ZNF658: variants seen among roughly 807,000 people sequenced by gnomAD.
ZNF658 encodes the protein zinc finger protein 658.
Under a neutral mutation model 78.0 loss-of-function variants are expected in ZNF658, and 46 were observed. The ratio of observed to expected loss-of-function variants is 0.59; its 90% confidence interval spans 0.47 to 0.75. The LOEUF (loss-of-function observed/expected upper bound fraction) is 0.75, where lower values mean the gene tolerates loss of function less well. Ranked by LOEUF, ZNF658 falls within the 30% of genes least tolerant of loss-of-function variation. ZNF658 has a pLI of 0.00. For missense variants in ZNF658, 785 were observed against 1,189.3 expected (o/e 0.66, Z 5.00); for synonymous variants, 279 against 408.4 (o/e 0.68, Z 3.82).
At chr9:66,907,858 G>A (rs1484666746) in intron 2 of ZNF658, among the ~76,000 whole-genome samples, 5 of 151,542 alleles carry the variant, frequency 3.3e-5, no homozygotes, top group Admixed American at 2.6e-4. Context: ...GTTTGGTCAG[G>A]GTATCTCCAG....
rs547832512 is a variant in ZNF658, at chr9:66,930,708, C to T, written c.*55-1317C>T. Among the ~76,000 whole-genome samples, 145 of 152,046 alleles carry T rather than the reference C, an allele frequency of 9.5e-4. 1 individual carries two copies. Among genetic ancestry groups the T allele is most frequent in the Non-Finnish European group, 1.9e-3 (126 of 67,958 alleles). The stretch of plus-strand genomic sequence containing the variant: ...AAAATGGAATTTTCTCACATTTTTT[C>T]AACATTTCCAGAAAGATGGTTGACT... On this transcript the variant is annotated intron_variant and NMD_transcript_variant, in intron 6 of 6. Coordinates refer to the ZNF658 transcript ENST00000622180.
intron 2 of ZNF658, among the ~76,000 whole-genome samples, chr9:66,905,801 A>G (rs1037906976): frequency 6.8e-6 from 1 of 146,618 alleles, no homozygotes; most frequent in Non-Finnish European, 1.5e-5. Context: ...TGGTCCTTAC[A>G]TATCATTTCC....
chr9:66,908,911 G>A (rs1357277265), intron 4 of ZNF658, among the ~76,000 whole-genome samples, 177 bp downstream of exon 4: 1 of 152,132 alleles, frequency 6.6e-6, no homozygotes, highest in African/African-American at 2.4e-5. Flanking sequence ...ACTATTCAGG[G>A]AAGAAATATT....
At chr9:66,901,297 G>A (rs1417714660) in intron 1 of ZNF658, among the ~76,000 whole-genome samples, 2 of 152,130 alleles carry the variant, frequency 1.3e-5, no homozygotes, top group Admixed American at 1.3e-4. Flanking sequence ...TCATGGGGAT[G>A]GGTACCCCAG....
chr9:66,904,295 C>A (rs999109082), intron 2 of ZNF658, among the ~76,000 whole-genome samples: 2 of 152,034 alleles, frequency 1.3e-5, no homozygotes, highest in African/African-American at 4.8e-5. Flanking sequence ...TGGTCTTTTC[C>A]TTAACTTGCT....
At chr9:66,904,231 C>A (rs1385591759) in intron 2 of ZNF658, among the ~76,000 whole-genome samples, 2 of 151,994 alleles carry the variant, frequency 1.3e-5, no homozygotes, top group Non-Finnish European at 2.9e-5. Flanking sequence ...TTTCTTGCCA[C>A]TTGCCTGGGA....
At chr9:66,901,296 T>C (rs1429498158) in intron 1 of ZNF658, among the ~76,000 whole-genome samples, 3 of 152,154 alleles carry the variant, frequency 2.0e-5, no homozygotes, top group Admixed American at 6.5e-5. Flanking sequence ...TTCATGGGGA[T>C]GGGTACCCCA....
At chr9:66,902,840 C>G (rs527825918) in intron 1 of ZNF658, 1 of 152,018 alleles carries the variant, frequency 6.6e-6, no homozygotes, top group Non-Finnish European at 1.5e-5. Context: ...ATTAAGTCAG[C>G]CTGAGTAGTT....
intron 2 of ZNF658, among the ~76,000 whole-genome samples, chr9:66,907,840 T>A (rs1485614960): frequency 2.0e-5 from 3 of 151,974 alleles, no homozygotes; most frequent in Non-Finnish European, 4.4e-5. Flanking sequence ...TGCTCTACCC[T>A]ATATAAAGTT....
chr9:66,908,163 A>T, intron 2 of ZNF658, 75 bp from the exon 3 acceptor site: 2 of 1,611,190 alleles, frequency 1.2e-6, no homozygotes, highest in Admixed American at 1.7e-5. Context: ...GCTCTCAAAG[A>T]TATTTTCTGT....
chr9:66,904,381 T>C (rs1365437240), intron 2 of ZNF658, among the ~76,000 whole-genome samples: 3 of 151,580 alleles, frequency 2.0e-5, no homozygotes, highest in Non-Finnish European at 4.4e-5. Context: ...TGCCCCTCAC[T>C]GGTCCTTCCC....
intron 4 of ZNF658, among the ~76,000 whole-genome samples, chr9:66,914,087 G>A (rs1399985774): frequency 6.6e-6 from 1 of 151,382 alleles, no homozygotes; most frequent in African/African-American, 2.5e-5. Context: ...CATTTAAACT[G>A]GAGTGGCATT....
chr9:66,918,358 C>A lies in ZNF658; in HGVS notation c.792C>A (p.Asp264Glu), dbSNP rs775311484. ...CTTTATTTAACCACATGAGAACTGA[C>A]ACAAGGGGGAAATGCTCTGATCTTA... ...KITLFNHMRT[D>E]TRGKCSDLNE... Residue 264 changes from aspartate (D) to glutamate (E), a missense_variant, in exon 5 of 5, where the codon GAC (aspartate) becomes GAA (glutamate). Physicochemically the swap from Asp to Glu is conservative, Grantham distance 45. Coordinates refer to ENST00000621410, the MANE Select transcript of ZNF658 (RefSeq NM_033160.7). 26 of 1,613,746 alleles carry A rather than the reference C, an allele frequency of 1.6e-5. No individual in the cohort carries two copies. Among genetic ancestry groups the A allele is most frequent in the Non-Finnish European group, 2.0e-5 (24 of 1,179,858 alleles).
chr9:66,913,535 A>G (rs1361510189), intron 4 of ZNF658, among the ~76,000 whole-genome samples: 2 of 151,974 alleles, frequency 1.3e-5, no homozygotes, highest in Non-Finnish European at 2.9e-5. Flanking sequence ...GCTGCACCTC[A>G]CTCCCGCTAG....
chr9:66,913,725 T>A (rs1217548701), intron 4 of ZNF658, among the ~76,000 whole-genome samples: 31 of 149,180 alleles, frequency 2.1e-4, no homozygotes, highest in Non-Finnish European at 4.0e-4. Context: ...TTACACTTAG[T>A]TGATAATCCA....
chr9:66,913,312 G>T (rs1361488930), intron 4 of ZNF658, among the ~76,000 whole-genome samples: 5 of 151,810 alleles, frequency 3.3e-5, no homozygotes, highest in Admixed American at 6.6e-5. Context: ...GTAATCCCAG[G>T]TACTCAGGAG....
chr9:66,927,453 A>G (rs1176354339), intron 6 of ZNF658, among the ~76,000 whole-genome samples: 1 of 152,186 alleles, frequency 6.6e-6, no homozygotes, highest in East Asian at 1.9e-4. Context: ...ACGTTCTTCA[A>G]AAAGTTAAAA....
At chr9:66,916,843 CT>C (rs1360741376) in intron 4 of ZNF658, among the ~76,000 whole-genome samples, 1 of 150,980 alleles carries the variant, frequency 6.6e-6, no homozygotes. Context: ...TCTCAGGATT[CT>C]TCATGGCTCA....
intron 2 of ZNF658, among the ~76,000 whole-genome samples, chr9:66,905,068 CTTTTTTTTTTTTT>C (rs1165611922): frequency 1.3e-4 from 4 of 31,764 alleles, no homozygotes; most frequent in South Asian, 2.8e-3. Flanking sequence ...TTTTTCTTTT[CTTTTTTTTTTTTT>C]TTTTTTTTTT....
Sources: allele counts gnomAD v4.1 joint callset (sites outside exome capture counted in the v4.1 genomes callset), GRCh38; gene constraint gnomAD v4.1.1; transcripts MANE v1.5; gene names NCBI Gene and HGNC (gene_info 2026-07-23, HGNC 2026-07-21).